STK38L: variants seen among roughly 807,000 people sequenced by gnomAD.
The protein encoded by STK38L is serine/threonine kinase 38 like.
A neutral mutation model predicts 59.7 loss-of-function variants in STK38L; 28 were observed. The observed-to-expected ratio is 0.47, with a 90% CI of 0.35 to 0.64. STK38L has a LOEUF of 0.64. STK38L is among the 30% of genes least tolerant of loss of function. The pLI is 0.01. For synonymous variants in STK38L, 162 were observed against 176.8 expected (o/e 0.92, Z 0.66); for missense variants, 314 against 555.8 (o/e 0.56, Z 4.37).
chr12:27,314,110 A>C (rs970886159), intron 6 of STK38L, among the ~76,000 whole-genome samples: 2 of 152,182 alleles, frequency 1.3e-5, no homozygotes, highest in African/African-American at 4.8e-5. Context: ...ATGCAAACTC[A>C]GGAAAGCTAG....
chr12:27,252,116 A>C (rs1334439071), intron 1 of STK38L, among the ~76,000 whole-genome samples: 1 of 152,122 alleles, frequency 6.6e-6, no homozygotes, highest in Non-Finnish European at 1.5e-5. Flanking sequence ...AGTAGCTGGG[A>C]CTACAGGTGC....
At chr12:27,298,172 T>C in intron 2 of STK38L, 1 of 193,442 alleles carries the variant, frequency 5.2e-6, no homozygotes. Context: ...GTGGTGTGGC[T>C]CATGCCTATA....
intron 1 of STK38L, among the ~76,000 whole-genome samples, chr12:27,272,756 AACAC>A (rs1236576019): frequency 6.6e-6 from 1 of 152,018 alleles, no homozygotes; most frequent in African/African-American, 2.4e-5. Flanking sequence ...TCTTTCCCCC[AACAC>A]ACACAGTGCA....
chr12:27,314,870 A>T (rs1944547880), intron 7 of STK38L, 145 bp from the exon 8 acceptor site: 2 of 852,196 alleles, frequency 2.3e-6, no homozygotes, highest in Non-Finnish European at 3.5e-6. Flanking sequence ...AAAAATCATC[A>T]TCAGATACTT....
intron 1 of STK38L, among the ~76,000 whole-genome samples, chr12:27,258,532 T>C (rs1284660519): frequency 3.3e-5 from 5 of 152,218 alleles, no homozygotes; most frequent in Admixed American, 1.3e-4. Context: ...TTTCACCATG[T>C]TGGCAAGGCT....
intron 3 of STK38L, chr12:27,302,417 GGT>G: frequency 3.0e-6 from 1 of 328,656 alleles, no homozygotes. Flanking sequence ...GTGTATTTTA[GGT>G]GTGTGGAATG....
At chr12:27,281,877 A>T (rs1186080925) in intron 1 of STK38L, among the ~76,000 whole-genome samples, 1 of 152,072 alleles carries the variant, frequency 6.6e-6, no homozygotes, top group Non-Finnish European at 1.5e-5. Context: ...TCTACTAAAA[A>T]TACAAAAAAT....
At chr12:27,293,115 C>T (rs760053768) in intron 1 of STK38L, among the ~76,000 whole-genome samples, 1 of 152,336 alleles carries the variant, frequency 6.6e-6, no homozygotes, top group East Asian at 1.9e-4. Flanking sequence ...CCATGCCTGG[C>T]TCTATTTTTA....
In STK38L at chr12:27,314,394, C is replaced by T. The variant is rs1944533503; in HGVS notation, c.518-110C>T. On this transcript the variant is annotated intron_variant, in intron 6 of 13. Transcript: ENST00000389032. ...CCAACCCAGGCAACAGAGTGAGACT[C>T]TGTCTCCAAAAAAAAAAAAAAAAAA... 4.6e-6 allele frequency: 4 copies of T among 860,290 alleles called. No individual in the cohort carries two copies. In the Admixed American group the frequency reaches 1.3e-4, roughly 27 times the overall value. 53.3% of individuals were successfully genotyped at this position (860,290 alleles called of 1,614,324 possible). A position where few individuals can be genotyped will look rare whatever the true frequency, so the allele number is the denominator to read the frequency against.
chr12:27,255,339 C>G (rs540155503), intron 1 of STK38L, among the ~76,000 whole-genome samples: 1 of 152,282 alleles, frequency 6.6e-6, no homozygotes, highest in African/African-American at 2.4e-5. Flanking sequence ...ACCAAGTACT[C>G]TCTCCCTTTC....
chr12:27,306,891 C>T (rs769206399), intron 3 of STK38L, among the ~76,000 whole-genome samples: 6 of 152,064 alleles, frequency 3.9e-5, no homozygotes, highest in Non-Finnish European at 5.9e-5. Context: ...CCACCACGCC[C>T]GGCTAATTTT....
chr12:27,279,518 C>T (rs1233492940), intron 1 of STK38L, among the ~76,000 whole-genome samples: 1 of 151,724 alleles, frequency 6.6e-6, no homozygotes, highest in East Asian at 1.9e-4. Flanking sequence ...TGAGGTCAGG[C>T]GTTCAAGACC....
chr12:27,255,353 A>G (rs1943070151), intron 1 of STK38L, among the ~76,000 whole-genome samples: 1 of 152,238 alleles, frequency 6.6e-6, no homozygotes, highest in African/African-American at 2.4e-5. Context: ...CCCTTTCAGA[A>G]AACATTATCA....
At position 27,302,132 on chromosome 12, in the gene STK38L, A is replaced by G; in HGVS notation, c.135-5A>G. 1.3e-6 allele frequency: 2 copies of G among 1,598,902 alleles called. No homozygotes were observed. Among genetic ancestry groups the G allele is most frequent in the South Asian group, 1.1e-5 (1 of 87,794 alleles). ...TAAAATTTAATTTTTTTTTCCTTTG[A>G]AAAGGCAGAAGAAATTAGAAGTGGC... On this transcript the variant is annotated splice_region_variant and splice_polypyrimidine_tract_variant and intron_variant, in intron 2 of 13. Transcript: ENST00000389032.
rs773421696 is a variant in STK38L, at chr12:27,322,154, C to T, written c.1187C>T (p.Ala396Val). 1 of 1,613,288 alleles carries T rather than the reference C, an allele frequency of 6.2e-7. No homozygotes were observed. The highest frequency in any genetic ancestry group is 8.5e-7 in the Non-Finnish European group (1 of 1,179,772). Residue 396 changes from alanine (A) to valine (V), a missense_variant, in exon 13 of 14, where the codon GCA becomes GTA. This residue lies in a region of STK38L where 94 missense variants were observed against 142.2 expected (regional missense o/e 0.66). Coordinates refer to ENST00000389032, the MANE Select transcript of STK38L (RefSeq NM_015000.4). ...ATACCTTTTTATAGGGAAAGGCCAG[C>T]AGCAATCCCTATAGAAATCAAAAGC... ...VDWEHIRERP[A>V]AIPIEIKSID...
chr12:27,310,651 GTAT>G (rs1442760681), intron 5 of STK38L, among the ~76,000 whole-genome samples: 1 of 151,742 alleles, frequency 6.6e-6, no homozygotes, highest in Admixed American at 6.6e-5. Context: ...TACATAAACT[GTAT>G]TATTAAAAAT....
chr12:27,282,392 G>T (rs1378530814), intron 1 of STK38L, among the ~76,000 whole-genome samples: 1 of 152,138 alleles, frequency 6.6e-6, no homozygotes, highest in East Asian at 1.9e-4. Context: ...ATTATAGTTG[G>T]AATCAAAGAA....
At chr12:27,282,531 T>G (rs1000366930) in intron 1 of STK38L, among the ~76,000 whole-genome samples, 6 of 133,100 alleles carry the variant, frequency 4.5e-5, no homozygotes, top group African/African-American at 1.6e-4. Flanking sequence ...AAAACTAAAG[T>G]TTTTTTTTTA....
Position 27,322,370 on chromosome 12 carries a change from T to C in STK38L, c.1310T>C (p.Val437Ala). ...CCGGACTACAAATCCAAAGACTGGG[T>C]TTTTCTCAATTATACCTATAAAAGG... ...TEPDYKSKDW[V>A]FLNYTYKRFE... The change falls in exon 14 of 14, where the codon GTT (valine) becomes GCT (alanine). Residue 437 changes from valine (V) to alanine (A), a missense_variant. Physicochemically the swap from Val to Ala is moderately conservative, Grantham distance 64. Around this residue, in one of 3 missense-constraint regions of STK38L, gnomAD observed 94 missense variants for 142.2 expected, o/e 0.66. Transcript: ENST00000389032. 1 of 1,614,012 alleles carries C rather than the reference T, an allele frequency of 6.2e-7. No individual in the cohort carries two copies.
Sources: gnomAD v4.1 joint callset for allele counts (sites outside exome capture counted in the v4.1 genomes callset) on GRCh38, gnomAD v4.1.1 for gene constraint, gnomAD v4.1.1 regional missense constraint, MANE v1.5 for transcripts, NCBI Gene and HGNC (gene_info 2026-07-23, HGNC 2026-07-21) for gene names.